The following ZNF438 variants were observed in gnomAD, a reference collection of about 807,000 sequenced individuals.
ZNF438 encodes the protein zinc finger protein 438.
ZNF438 carries 25 observed loss-of-function variants against 38.0 expected under a neutral mutation model. That is an observed-to-expected ratio of 0.66 (90% CI 0.48 to 0.92). ZNF438 has a LOEUF of 0.92. Among genes scored for constraint, ZNF438 ranks in the 40% least tolerant of loss-of-function variants. ZNF438 has a pLI of 0.00. For missense variants in ZNF438, 1,007 were observed against 999.6 expected (o/e 1.01, Z -0.10); for synonymous variants, 372 against 364.1 (o/e 1.02, Z -0.25).
intron 1 of ZNF438, among the ~76,000 whole-genome samples, chr10:30,961,163 GTTTT>G (rs1156667139): frequency 7.3e-6 from 1 of 136,216 alleles, no homozygotes; most frequent in Non-Finnish European, 1.6e-5. Flanking sequence ...AAAAAAAAAA[GTTTT>G]TTTTACATAT....
chr10:31,021,529 A>C (rs1346654328), intron 1 of ZNF438, among the ~76,000 whole-genome samples: 1 of 152,224 alleles, frequency 6.6e-6, no homozygotes, highest in Non-Finnish European at 1.5e-5. Flanking sequence ...TACATTCTTA[A>C]AATAAATGTG....
intron 1 of ZNF438, among the ~76,000 whole-genome samples, chr10:31,014,294 C>A (rs1202193558): frequency 6.6e-6 from 1 of 152,198 alleles, no homozygotes; most frequent in Non-Finnish European, 1.5e-5. Flanking sequence ...TTTATTCTCT[C>A]ACAGCTCTGT....
intron 1 of ZNF438, among the ~76,000 whole-genome samples, chr10:30,951,098 G>C (rs950255007): frequency 3.5e-5 from 5 of 143,664 alleles, no homozygotes; most frequent in South Asian, 2.2e-4. Flanking sequence ...TTCAATATAC[G>C]CAAATCAATA....
At chr10:30,948,691 G>C (rs1011379282) in intron 1 of ZNF438, among the ~76,000 whole-genome samples, 3 of 151,200 alleles carry the variant, frequency 2.0e-5, no homozygotes, top group Non-Finnish European at 4.4e-5. Context: ...GAGAAGGGAA[G>C]TTTAGACAAA....
rs1021397221 is a variant in ZNF438, at chr10:30,962,844, A to G, written c.-191-21193T>C. On this transcript the variant is annotated intron_variant, in intron 1 of 5. Coordinates refer to ENST00000413025, the Ensembl canonical transcript of ZNF438. Reference sequence around the variant, plus strand: ...ATAAAATAAAAATTAAAGTGAGCAGACTGTCTCAAGATTCCATCTTTACTG... The same window carrying G: ...ATAAAATAAAAATTAAAGTGAGCAGGCTGTCTCAAGATTCCATCTTTACTG... Among the ~76,000 whole-genome samples, 4 of 152,178 alleles carry G rather than the reference A, an allele frequency of 2.6e-5. 2 individuals are homozygous for G. Among genetic ancestry groups the G allele is most frequent in the Non-Finnish European group, 5.9e-5 (4 of 68,030 alleles).
chr10:30,953,422 A>C (rs540847247), intron 1 of ZNF438, among the ~76,000 whole-genome samples: 54 of 148,742 alleles, frequency 3.6e-4, no homozygotes, highest in South Asian at 1.7e-3. Flanking sequence ...TTAAAAAATT[A>C]AAAAAAAAAG....
chr10:30,931,059 C>T (rs1229274187), intron 2 of ZNF438, among the ~76,000 whole-genome samples: 1 of 152,130 alleles, frequency 6.6e-6, no homozygotes, highest in Non-Finnish European at 1.5e-5. Context: ...CCAAGGGTGG[C>T]CCACCAGTTT....
At chr10:30,966,885 A>G (rs906259350) in intron 1 of ZNF438, among the ~76,000 whole-genome samples, 1 of 152,168 alleles carries the variant, frequency 6.6e-6, no homozygotes, top group African/African-American at 2.4e-5. Flanking sequence ...CTCATTGCTT[A>G]GAGCAATGCA....
At chr10:30,910,357 T>G (rs2042957156) in intron 2 of ZNF438, 2 of 152,170 alleles carry the variant, frequency 1.3e-5, no homozygotes, top group South Asian at 4.1e-4. Flanking sequence ...AGCAAATGCT[T>G]ACATTCCTAT....
At chr10:30,941,953 C>T (rs1589311856) in intron 1 of ZNF438, among the ~76,000 whole-genome samples, 1 of 152,274 alleles carries the variant, frequency 6.6e-6, no homozygotes, top group African/African-American at 2.4e-5. Context: ...TAAAATTTAG[C>T]TGGCATTTGT....
intron 1 of ZNF438, among the ~76,000 whole-genome samples, chr10:30,957,060 A>G (rs548341879): frequency 2.6e-4 from 39 of 152,162 alleles, no homozygotes; most frequent in African/African-American, 9.4e-4. Context: ...AGGACTTGTT[A>G]TTGTCTTTTT....
chr10:30,857,622 A>G lies in ZNF438; in HGVS notation c.38-7255T>C, dbSNP rs150325504. Reference sequence around the variant, plus strand: ...CCCACTTATTAGAGATAACTCACAGAAAATTAATAGTCATTTGAAAGCAAA... The same window carrying G: ...CCCACTTATTAGAGATAACTCACAGGAAATTAATAGTCATTTGAAAGCAAA... On this transcript the variant is annotated intron_variant, in intron 4 of 5. Transcript: ENST00000413025. The G allele has an allele frequency of 8.3e-4, 1,103 of 1,332,894 alleles. 11 individuals carry two copies. The African/African-American group carries it at 0.014, about 16-fold the overall frequency. 82.6% of individuals were successfully genotyped at this position (1,332,894 alleles called of 1,614,324 possible).
At chr10:30,937,472 G>A (rs1300047131) in intron 2 of ZNF438, among the ~76,000 whole-genome samples, 1 of 152,102 alleles carries the variant, frequency 6.6e-6, no homozygotes, top group African/African-American at 2.4e-5. Flanking sequence ...GTTATTAAAT[G>A]CTTTATAATG....
In ZNF438 at chr10:30,931,722, C is replaced by T. The variant is rs79112790; in HGVS notation, c.-115+9853G>A. ...CTACTGAACAGTTTTCTTCCAGGTA[C>T]GTCAAACATTCTTGCCAATTCTTTA... On this transcript the variant is annotated intron_variant, in intron 2 of 5. Coordinates refer to ENST00000413025, the Ensembl canonical transcript of ZNF438. 5.9e-3 allele frequency among the ~76,000 whole-genome samples: 894 copies of T among 152,252 alleles called. 9 individuals are homozygous for T. Among genetic ancestry groups the T allele is most frequent in the African/African-American group, 0.021 (856 of 41,550 alleles).
chr10:30,946,281 T>C (rs2047400377), intron 1 of ZNF438, among the ~76,000 whole-genome samples: 3 of 152,144 alleles, frequency 2.0e-5, no homozygotes, highest in African/African-American at 7.2e-5. Flanking sequence ...GACATAGGCA[T>C]GGGCAAGGAC....
chr10:30,848,653 G>A, exon 5 of ZNF438: 1 of 1,614,180 alleles, frequency 6.2e-7, no homozygotes, highest in Non-Finnish European at 8.5e-7. Flanking sequence ...CTTTCAGATG[G>A]CCAAAATAGA....
At chr10:30,961,892 GAAAAAAA>G (rs947031672) in intron 1 of ZNF438, among the ~76,000 whole-genome samples, 1 of 67,096 alleles carries the variant, frequency 1.5e-5, no homozygotes, top group Non-Finnish European at 3.2e-5. Flanking sequence ...CATCCCAAAA[GAAAAAAA>G]AAAAAAAAAA....
intron 3 of ZNF438, among the ~76,000 whole-genome samples, chr10:30,891,250 T>C (rs927518517): frequency 6.6e-6 from 1 of 152,198 alleles, no homozygotes; most frequent in Non-Finnish European, 1.5e-5. Context: ...TGAATTCCTA[T>C]TATTGAAATG....
chr10:30,951,151 A>C (rs182255466), intron 1 of ZNF438, among the ~76,000 whole-genome samples: 10,465 of 148,842 alleles, frequency 0.07, 461 homozygotes, highest in Non-Finnish European at 0.098. Context: ...CAAAAACCAC[A>C]TGATTATCTC....
Sources: allele counts gnomAD v4.1 joint callset (sites outside exome capture counted in the v4.1 genomes callset), GRCh38; gene constraint gnomAD v4.1.1; transcripts MANE v1.5; gene names NCBI Gene and HGNC (gene_info 2026-07-23, HGNC 2026-07-21).